Variants in RAD51B observed in about 807,000 individuals in gnomAD.
RAD51B encodes RAD51 paralog B.
A neutral mutation model predicts 42.2 loss-of-function variants in RAD51B; 38 were observed. The ratio of observed to expected loss-of-function variants is 0.90; its 90% CI spans 0.70 to 1.18. The LOEUF is 1.18. Ranked by LOEUF, RAD51B falls within the 50% of genes most tolerant of loss-of-function variation. The pLI, the probability that RAD51B is intolerant of heterozygous loss-of-function variation, is 0.00. For missense variants in RAD51B, 373 were observed against 400.7 expected, an observed-to-expected ratio of 0.93 and a Z score of 0.59; for synonymous variants, 154 against 145.2, an observed-to-expected ratio of 1.06 and a Z score of -0.43.
At chr14:68,537,118 A>C (rs758693186) in intron 10 of RAD51B, among the ~76,000 whole-genome samples, 2 of 146,234 alleles carry the variant, frequency 1.4e-5, no homozygotes, top group South Asian at 2.2e-4. Flanking sequence ...AAAGGCACCC[A>C]AAATTTTTAG....
At chr14:67,883,999 C>T (rs2042992986) in intron 5 of RAD51B, among the ~76,000 whole-genome samples, 1 of 151,418 alleles carries the variant, frequency 6.6e-6, no homozygotes, top group Admixed American at 6.6e-5. Context: ...TGTTTTTTGC[C>T]CTAAACAAAA....
intron 10 of RAD51B, among the ~76,000 whole-genome samples, chr14:68,471,571 C>T (rs1481824476): frequency 2.0e-5 from 3 of 151,854 alleles, no homozygotes; most frequent in Admixed American, 2.0e-4. Context: ...GACAATAAAG[C>T]GGCAGGCTGG....
At chr14:68,538,447 G>A (rs981385422) in intron 10 of RAD51B, among the ~76,000 whole-genome samples, 3 of 152,122 alleles carry the variant, frequency 2.0e-5, no homozygotes, top group Non-Finnish European at 4.4e-5. Flanking sequence ...CTTTAGGAAG[G>A]CATATTTTTT....
intron 8 of RAD51B, among the ~76,000 whole-genome samples, chr14:68,408,437 G>A (rs1470082052): frequency 1.3e-5 from 2 of 152,148 alleles, no homozygotes; most frequent in African/African-American, 2.4e-5. Flanking sequence ...GGTTAAAAGT[G>A]GAAGACAAGT....
intron 7 of RAD51B, among the ~76,000 whole-genome samples, chr14:68,172,578 A>G (rs1032748068): frequency 1.3e-5 from 2 of 152,202 alleles, no homozygotes; most frequent in African/African-American, 4.8e-5. Context: ...AAGAGGTTAT[A>G]TAGGCAAGGA....
intron 3 of RAD51B, among the ~76,000 whole-genome samples, chr14:67,827,758 C>CATTA (rs1269997923): frequency 1.3e-5 from 2 of 152,172 alleles, no homozygotes; most frequent in Non-Finnish European, 2.9e-5. Flanking sequence ...TCTGTTCTTG[C>CATTA]ATTAGTTTGC....
chr14:68,143,602 C>A (rs1286430257), intron 7 of RAD51B, among the ~76,000 whole-genome samples: 1 of 152,222 alleles, frequency 6.6e-6, no homozygotes, highest in Non-Finnish European at 1.5e-5. Flanking sequence ...CCCCATACCA[C>A]ACACACAAAC....
chr14:68,259,059 G>A (rs1401162619), intron 7 of RAD51B, among the ~76,000 whole-genome samples: 1 of 152,192 alleles, frequency 6.6e-6, no homozygotes, highest in Non-Finnish European at 1.5e-5. Context: ...GCCAGTGGCA[G>A]GTGGGCTTGA....
rs1007881840 is a variant in RAD51B at position 68,275,070 on chromosome 14, A to C, written c.757-16814A>C. Among the ~76,000 whole-genome samples, 13 of 152,294 alleles carry C rather than the reference A, an allele frequency of 8.5e-5. No individual in the cohort carries two copies. In the East Asian group the frequency reaches 2.5e-3, roughly 29 times the overall value. ...CAAGATTTCTGTCAACTTTTCACCT[A>C]CTGGTTTTAGCACCCATTGATGATC... On this transcript the variant is annotated intron_variant, in intron 7 of 10. Coordinates refer to ENST00000471583, the MANE Select transcript of RAD51B (RefSeq NM_133510.4).
At chr14:67,986,588 A>G (rs957117357) in intron 7 of RAD51B, among the ~76,000 whole-genome samples, 4 of 152,214 alleles carry the variant, frequency 2.6e-5, no homozygotes, top group African/African-American at 4.8e-5. Flanking sequence ...AGTTAGCACG[A>G]AAGATCTTTG....
At chr14:68,387,326 C>G (rs1188498674) in intron 8 of RAD51B, 4 of 152,170 alleles carry the variant, frequency 2.6e-5, no homozygotes, top group Non-Finnish European at 5.9e-5. Context: ...TAAAATGCAC[C>G]TGGAATACTT....
chr14:67,916,191 G>A (rs1453563856), intron 7 of RAD51B, among the ~76,000 whole-genome samples: 4 of 152,174 alleles, frequency 2.6e-5, no homozygotes, highest in African/African-American at 9.6e-5. Context: ...GCTGGCTTTT[G>A]TGTTGAGTTA....
At chr14:68,555,566 C>T (rs1237657069) in intron 10 of RAD51B, among the ~76,000 whole-genome samples, 1 of 152,236 alleles carries the variant, frequency 6.6e-6, no homozygotes, top group Admixed American at 6.5e-5. Flanking sequence ...TGCTGGCATT[C>T]CTGCCTTTGG....
chr14:68,056,667 G>C (rs912922885), intron 7 of RAD51B, among the ~76,000 whole-genome samples: 7 of 151,886 alleles, frequency 4.6e-5, no homozygotes, highest in Non-Finnish European at 1.0e-4. Flanking sequence ...AGAATATCTT[G>C]AATCCGGGAG....
chr14:68,478,139 G>T, downstream of RAD51B: 1 of 1,020,604 alleles, frequency 9.8e-7, no homozygotes, highest in Non-Finnish European at 1.2e-6. Flanking sequence ...AATAGTAACC[G>T]ATTCAGAAAT....
chr14:68,428,837 T>C (rs2140128922), intron 9 of RAD51B, among the ~76,000 whole-genome samples: 1 of 150,004 alleles, frequency 6.7e-6, no homozygotes, highest in Middle Eastern at 3.4e-3. Context: ...ACATGTGCCA[T>C]GTTGGTGTGC....
At chr14:68,550,367 G>A (rs1202315411) in intron 10 of RAD51B, among the ~76,000 whole-genome samples, 14 of 152,232 alleles carry the variant, frequency 9.2e-5, no homozygotes, top group Admixed American at 9.2e-4. Context: ...TCATGCTAAA[G>A]ATGCATTGCA....
intron 10 of RAD51B, among the ~76,000 whole-genome samples, chr14:68,534,409 G>A (rs942378844): frequency 4.6e-5 from 7 of 152,190 alleles, no homozygotes; most frequent in African/African-American, 1.4e-4. Context: ...GTTATATAAT[G>A]TGAAGGAATG....
intron 10 of RAD51B, among the ~76,000 whole-genome samples, chr14:68,585,303 C>T (rs879552342): frequency 1.3e-5 from 2 of 152,328 alleles, no homozygotes; most frequent in East Asian, 3.9e-4. Context: ...AGGGAATAAG[C>T]CCAATTCCTG....
Sources: allele counts gnomAD v4.1 joint callset (sites outside exome capture counted in the v4.1 genomes callset), GRCh38; gene constraint gnomAD v4.1.1; transcripts MANE v1.5; gene names NCBI Gene and HGNC (gene_info 2026-07-23, HGNC 2026-07-21).